Variants in MAML1 observed in about 807,000 individuals in gnomAD.
MAML1 encodes the protein mastermind like transcriptional coactivator 1.
Under a neutral mutation model 77.1 loss-of-function variants are expected in MAML1, and 14 were observed. The observed-to-expected ratio is 0.18, with a 90% CI of 0.12 to 0.28. The LOEUF (loss-of-function observed/expected upper bound fraction) is 0.28. Ranked by LOEUF, MAML1 falls within the 10% of genes least tolerant of loss-of-function variation. The pLI, the probability that MAML1 is intolerant of heterozygous loss-of-function variation, is 1.00. For synonymous variants in MAML1, 516 were observed against 551.9 expected (o/e 0.93, Z 0.91); for missense variants, 1,217 against 1,327.8 (o/e 0.92, Z 1.30).
rs1554150144 is a variant in MAML1, at chr5:179,752,350, A to AAAAAAAAATAT, written c.316-12975_316-12974insAAAAAAATATA. ...CAAAAAAAAAAAAAAAAAAAAAAAA[A>AAAAAAAAATAT]ATATATATATATATATGGTTAAATA... On this transcript the variant is annotated intron_variant, in intron 1 of 4. Coordinates refer to ENST00000292599, the MANE Select transcript of MAML1 (RefSeq NM_014757.5). Among the ~76,000 whole-genome samples the AAAAAAAAATAT allele has an allele frequency of 7.8e-4, 52 of 66,688 alleles. 4 individuals are homozygous for AAAAAAAAATAT. Among genetic ancestry groups the AAAAAAAAATAT allele is most frequent in the African/African-American group, 3.3e-3 (49 of 14,788 alleles). The allele number at this position is 66,688 out of a possible 152,430, so 43.7% of individuals were successfully genotyped here.
At chr5:179,772,932 C>T (rs930321206) in intron 4 of MAML1, among the ~76,000 whole-genome samples, 2 of 152,228 alleles carry the variant, frequency 1.3e-5, no homozygotes, top group African/African-American at 4.8e-5. Flanking sequence ...GCTCTTTCGC[C>T]TAGGCTGGAG....
chr5:179,760,100 C>G (rs1779698948), intron 1 of MAML1, among the ~76,000 whole-genome samples: 1 of 152,162 alleles, frequency 6.6e-6, no homozygotes, highest in African/African-American at 2.4e-5. Flanking sequence ...TGAGTCATCA[C>G]TCAAGTGGAC....
Position 179,774,097 on chromosome 5 carries a change from T to C in MAML1, c.2271T>C (p.Tyr757=). The C allele has an allele frequency of 6.2e-7, 1 of 1,613,884 alleles. No individual in the cohort carries two copies. The highest frequency in any genetic ancestry group is 1.1e-5 in the South Asian group (1 of 91,088). Residue 757 remains tyrosine, a synonymous_variant, in exon 5 of 5, where the codon TAT becomes TAC. Transcript: ENST00000292599. ...GSQNMPQSSL[Y]GMASGITQIV... is the part of the protein sequence containing the mutation. ...AAAACATGCCTCAGAGCAGCCTCTA[T>C]GGCATGGCTTCTGGCATAACCCAGA...
Position 179,775,826 on chromosome 5 carries a change from T to C in MAML1, c.*949T>C. On this transcript the variant is annotated 3_prime_UTR_variant, in exon 5 of 5. Coordinates refer to ENST00000292599, the MANE Select transcript of MAML1 (RefSeq NM_014757.5). The stretch of plus-strand genomic sequence containing the variant: ...GGCCTTTCTGTCTGCCTCTCCTTCC[T>C]CTCTGCAGCCCAAATGGAAAACAAT... 4.1e-6 allele frequency: 4 copies of C among 985,510 alleles called. No homozygotes were observed. In the South Asian group the frequency reaches 1.4e-4, roughly 35 times the overall value. The allele number at this position is 985,510 out of a possible 1,614,324, so 61.0% of individuals were successfully genotyped here.
chr5:179,755,768 GT>G (rs1266646726), intron 1 of MAML1, among the ~76,000 whole-genome samples: 176 of 139,502 alleles, frequency 1.3e-3, no homozygotes, highest in Middle Eastern at 0.011. Context: ...GCCCAAGACA[GT>G]TTTTTTTTTT....
At chr5:179,741,946 G>A (rs560262480) in intron 1 of MAML1, among the ~76,000 whole-genome samples, 1 of 151,946 alleles carries the variant, frequency 6.6e-6, no homozygotes, top group South Asian at 2.1e-4. Flanking sequence ...TCGCCAGGCT[G>A]GAGTGCAGTG....
Position 179,765,204 on chromosome 5 carries a change from G to A in MAML1, c.316-122G>A, listed in dbSNP as rs10039608. On this transcript the variant is annotated intron_variant, in intron 1 of 4. Coordinates refer to ENST00000292599, the MANE Select transcript of MAML1 (RefSeq NM_014757.5). The stretch of plus-strand genomic sequence containing the variant: ...TGGAGGTGTGTCCCCAGAAATGGGA[G>A]TGTACACTATGCAAGCAGAACCCAC... 230 of 780,452 alleles carry A rather than the reference G, an allele frequency of 2.9e-4. 1 individual carries two copies. The African/African-American group carries it at 3.6e-3, about 12-fold the overall frequency. 48.3% of individuals were successfully genotyped at this position (780,452 alleles called of 1,614,324 possible). A position where few individuals can be genotyped will look rare whatever the true frequency, so the allele number is the denominator to read the frequency against.
chr5:179,746,724 G>A (rs1234513693), intron 1 of MAML1, among the ~76,000 whole-genome samples: 8 of 152,142 alleles, frequency 5.3e-5, no homozygotes, highest in Admixed American at 5.2e-4. Context: ...AAAAATCACA[G>A]TTACATATAA....
chr5:179,772,382 G>A (rs982799496), intron 4 of MAML1, among the ~76,000 whole-genome samples: 1 of 152,164 alleles, frequency 6.6e-6, no homozygotes, highest in Non-Finnish European at 1.5e-5. Context: ...CTCCCAAAGT[G>A]CTAGGATTAC....
At position 179,732,862 on chromosome 5, in the gene MAML1, T is replaced by C. The variant is rs568902492; in HGVS notation, c.-251T>C. 1.2e-5 allele frequency: 3 copies of C among 245,606 alleles called. No individual in the cohort carries two copies. The highest frequency in any genetic ancestry group is 1.5e-5 in the Non-Finnish European group (2 of 129,370). 15.2% of individuals were successfully genotyped at this position (245,606 alleles called of 1,614,324 possible). On this transcript the variant is annotated 5_prime_UTR_variant, in exon 1 of 5. Coordinates refer to ENST00000292599, the MANE Select transcript of MAML1 (RefSeq NM_014757.5). ...AATTTTAAGATGGCGGCCGCGGCGG[T>C]AGCGCGGAAAACAATGGGGCCGGGG...
At chr5:179,754,764 A>G (rs1444805529) in intron 1 of MAML1, among the ~76,000 whole-genome samples, 1 of 152,130 alleles carries the variant, frequency 6.6e-6, no homozygotes, top group African/African-American at 2.4e-5. Flanking sequence ...GGGAATTTGC[A>G]TTTCCAATAG....
chr5:179,763,878 C>T (rs1363605283), intron 1 of MAML1, among the ~76,000 whole-genome samples: 2 of 126,880 alleles, frequency 1.6e-5, no homozygotes, highest in East Asian at 4.5e-4. Context: ...GCTATAGATG[C>T]TTAGGGTTTA....
intron 1 of MAML1, among the ~76,000 whole-genome samples, chr5:179,760,216 G>A (rs139570792): frequency 4.6e-5 from 7 of 152,154 alleles, no homozygotes; most frequent in East Asian, 1.9e-4. Context: ...GGGCACTGTC[G>A]AAGGCACTGG....
chr5:179,774,750 G>A lies in MAML1; in HGVS notation c.2924G>A (p.Ser975Asn). ...GGCCAGGAGCTGCCTTTTGCCTATAGCGGGCAGCCAGGTGGCAGTGGGCTC... is the reference window on the plus strand; with the variant it reads ...GGCCAGGAGCTGCCTTTTGCCTATAACGGGCAGCCAGGTGGCAGTGGGCTC... ...TAGQELPFAY[S>N]GQPGGSGLSS... Residue 975 changes from serine to asparagine, a missense_variant, in exon 5 of 5, where the codon AGC becomes AAC. Ser to Asn is a conservative substitution (Grantham distance 46, BLOSUM62 1). Transcript: ENST00000292599. 1 of 1,613,024 alleles carries A rather than the reference G, an allele frequency of 6.2e-7. No individual in the cohort carries two copies. The highest frequency in any genetic ancestry group is 1.7e-5 in the Admixed American group (1 of 60,032).
chr5:179,750,152 G>T (rs966795640), intron 1 of MAML1, among the ~76,000 whole-genome samples: 1 of 152,202 alleles, frequency 6.6e-6, no homozygotes, highest in Non-Finnish European at 1.5e-5. Context: ...TCATTTACAT[G>T]TAGTTATAAT....
Position 179,766,667 on chromosome 5 carries a change from G to C in MAML1, c.1657G>C (p.Glu553Gln), listed in dbSNP as rs61753465. Residue 553 changes from glutamate (E) to glutamine (Q), a missense_variant, in exon 2 of 5, where the codon GAG (glutamate) becomes CAG (glutamine). Coordinates refer to ENST00000292599, the MANE Select transcript of MAML1 (RefSeq NM_014757.5). The surrounding 1 kb of genome is among the most constrained non-coding windows in gnomAD (Gnocchi z 4.0). The stretch of plus-strand genomic sequence containing the variant: ...CCAGCAGCTGTCCCATATAAGTCAC[G>C]AGCAGAACTCCCTGTTTCTGATGAA... ...LPQQLSHISH[E>Q]QNSLFLMKPK... 5 of 1,605,974 alleles carry C rather than the reference G, an allele frequency of 3.1e-6. No homozygotes were observed. Among genetic ancestry groups the C allele is most frequent in the East Asian group, 2.2e-5 (1 of 44,736 alleles).
In MAML1 at chr5:179,776,318, T is replaced by C. The variant is rs1403456910; in HGVS notation, c.*1441T>C. 5.1e-6 allele frequency: 5 copies of C among 985,734 alleles called. No homozygotes were observed. Among genetic ancestry groups the C allele is most frequent in the Non-Finnish European group, 4.8e-6 (4 of 829,962 alleles). 61.1% of individuals were successfully genotyped at this position (985,734 alleles called of 1,614,324 possible). ...CATTCAGGAGTGTCCTATGTGAGAA[T>C]TGAGCCAAGGAAAATACTCATGCAA... On this transcript the variant is annotated 3_prime_UTR_variant, in exon 5 of 5. Transcript: ENST00000292599.
intron 4 of MAML1, among the ~76,000 whole-genome samples, chr5:179,772,275 C>T (rs568946837): frequency 9.9e-5 from 15 of 152,250 alleles, no homozygotes; most frequent in East Asian, 1.9e-4. Context: ...CCTGCCACCA[C>T]GCCCGGCTCA....
In MAML1 at chr5:179,774,076, C is replaced by T. The variant is rs772383868; in HGVS notation, c.2250C>T (p.Asn750=). 3 of 1,614,078 alleles carry T rather than the reference C, an allele frequency of 1.9e-6. No homozygotes were observed. The highest frequency in any genetic ancestry group is 2.5e-6 in the Non-Finnish European group (3 of 1,180,036). ...TGGCTCAGTTCCCTGGCTCCCAAAA[C>T]ATGCCTCAGAGCAGCCTCTATGGCA... ...RGVAQFPGSQ[N]MPQSSLYGMA... The change falls in exon 5 of 5, where the codon AAC becomes AAT. Residue 750 remains asparagine, a synonymous_variant. Coordinates refer to ENST00000292599, the MANE Select transcript of MAML1 (RefSeq NM_014757.5).
Sources: allele counts gnomAD v4.1 joint callset (sites outside exome capture counted in the v4.1 genomes callset), GRCh38; gene constraint gnomAD v4.1.1; non-coding constraint Gnocchi (gnomAD v3.1); transcripts MANE v1.5; gene names NCBI Gene and HGNC (gene_info 2026-07-23, HGNC 2026-07-21).